Variants in CREBBP observed in about 807,000 individuals in gnomAD.
The protein encoded by CREBBP is CREB-binding protein.
In CREBBP, 19 loss-of-function variants were observed where a neutral mutation model predicts 265.0. That is an observed-to-expected ratio of 0.07 (90% CI 0.05 to 0.11). The LOEUF is 0.11. CREBBP is among the 10% of genes least tolerant of loss of function. The pLI, the probability that CREBBP is intolerant of heterozygous loss-of-function variation, is 1.00. For missense variants in CREBBP, 2,525 were observed against 3,219.0 expected (o/e 0.78, Z 5.22); for synonymous variants, 1,457 against 1,223.7 (o/e 1.19, Z -3.98).
intron 30 of CREBBP, 43 bp from the exon 31 acceptor site, chr16:3,729,917 C>A (rs2151312984): frequency 6.3e-7 from 1 of 1,593,862 alleles, no homozygotes; most frequent in East Asian, 2.2e-5. Flanking sequence ...AGCATGGGAC[C>A]CAGTACCACC....
chr16:3,804,067 G>C (rs980033382), intron 3 of CREBBP, among the ~76,000 whole-genome samples: 2 of 151,586 alleles, frequency 1.3e-5, no homozygotes, highest in African/African-American at 2.4e-5. Context: ...TGGGGTGACA[G>C]TGAGACCCCA....
chr16:3,732,152 T>A (rs895799331), intron 28 of CREBBP, among the ~76,000 whole-genome samples: 4 of 152,148 alleles, frequency 2.6e-5, no homozygotes, highest in African/African-American at 4.8e-5. Flanking sequence ...CATTATCAGC[T>A]TTATGCCACG....
At chr16:3,777,365 G>T (rs542486813) in intron 11 of CREBBP, among the ~76,000 whole-genome samples, 5 of 151,572 alleles carry the variant, frequency 3.3e-5, no homozygotes, top group East Asian at 1.9e-4. Flanking sequence ...AAATAAAATA[G>T]AAATAAATAA....
chr16:3,749,309 C>G (rs539203778), intron 21 of CREBBP, among the ~76,000 whole-genome samples: 1 of 152,248 alleles, frequency 6.6e-6, no homozygotes, highest in Admixed American at 6.5e-5. Flanking sequence ...TACTCCTAAC[C>G]TTTGGTCTCT....
intron 8 of CREBBP, among the ~76,000 whole-genome samples, chr16:3,779,205 G>A (rs1015058909): frequency 6.6e-6 from 1 of 150,694 alleles, no homozygotes; most frequent in Non-Finnish European, 1.5e-5. Flanking sequence ...ACAGGGTCTT[G>A]CTCTATCGCC....
chr16:3,759,064 A>T, intron 16 of CREBBP, 92 bp from the exon 17 acceptor site: 1 of 1,013,538 alleles, frequency 9.9e-7, no homozygotes, highest in Admixed American at 1.7e-5. Context: ...CTGCTGTGAC[A>T]TCCCAGCCAC....
intron 23 of CREBBP, chr16:3,740,826 G>C (rs1017491662): frequency 3.0e-5 from 14 of 470,312 alleles, no homozygotes; most frequent in East Asian, 2.6e-4. Context: ...ACCTATAGCG[G>C]TGGGTCCAAA....
chr16:3,876,399 C>CAAAAA (rs71133663), intron 1 of CREBBP, among the ~76,000 whole-genome samples: 17 of 18,088 alleles, frequency 9.4e-4, no homozygotes, highest in East Asian at 1.9e-3. Context: ...TAAAGCTGAC[C>CAAAAA]AAAAAAAAAA....
intron 3 of CREBBP, among the ~76,000 whole-genome samples, chr16:3,797,168 T>C (rs1216431616): frequency 6.6e-6 from 1 of 152,182 alleles, no homozygotes; most frequent in Admixed American, 6.5e-5. Context: ...GGAACCTCCC[T>C]TTAAAGCACA....
At chr16:3,874,599 T>C (rs968850579) in intron 1 of CREBBP, among the ~76,000 whole-genome samples, 1 of 152,218 alleles carries the variant, frequency 6.6e-6, no homozygotes. Context: ...GCGTGCTCTC[T>C]GGCCCTTTGC....
chr16:3,738,341 G>A (rs943364564), intron 26 of CREBBP, among the ~76,000 whole-genome samples: 3 of 150,902 alleles, frequency 2.0e-5, no homozygotes, highest in Non-Finnish European at 2.9e-5. Context: ...GGAATGAAAA[G>A]GAAGTAAAGG....
rs1462769052 is a variant in CREBBP, at chr16:3,880,175, C to A, written c.-259G>T. On this transcript the variant is annotated 5_prime_UTR_variant, in exon 1 of 31. Coordinates refer to ENST00000262367, the MANE Select transcript of CREBBP (RefSeq NM_004380.3). Reference sequence around the variant, plus strand: ...CCGCCGCCGGCCGCGGCCCCCTCATCCCCTGCCCGCCTCCCGAGCGCGACA... The same window carrying A: ...CCGCCGCCGGCCGCGGCCCCCTCATACCCTGCCCGCCTCCCGAGCGCGACA... The A allele has an allele frequency of 7.2e-6, 1 of 138,030 alleles. No homozygotes were observed. The highest frequency in any genetic ancestry group is 1.6e-5 in the Non-Finnish European group (1 of 62,632). The allele number at this position is 138,030 out of a possible 1,614,324, so 8.6% of individuals were successfully genotyped here. A position where few individuals can be genotyped will look rare whatever the true frequency, so the allele number is the denominator to read the frequency against.
intron 1 of CREBBP, among the ~76,000 whole-genome samples, chr16:3,865,926 G>A (rs1216155344): frequency 3.3e-5 from 5 of 152,200 alleles, no homozygotes; most frequent in African/African-American, 9.6e-5. Context: ...TGAGCCCACC[G>A]CGCCCGGCCA....
At chr16:3,812,326 G>C (rs773676780) in intron 2 of CREBBP, among the ~76,000 whole-genome samples, 3 of 151,688 alleles carry the variant, frequency 2.0e-5, no homozygotes, top group East Asian at 1.9e-4. Flanking sequence ...TTATGGGCTC[G>C]TGCCATCACA....
At chr16:3,845,557 G>A (rs1315594895) in intron 2 of CREBBP, among the ~76,000 whole-genome samples, 2 of 152,088 alleles carry the variant, frequency 1.3e-5, no homozygotes, top group Non-Finnish European at 2.9e-5. Flanking sequence ...CTGGATCTCT[G>A]TGTCTCACTC....
At chr16:3,777,005 A>C (rs1041263457) in intron 11 of CREBBP, among the ~76,000 whole-genome samples, 2 of 139,922 alleles carry the variant, frequency 1.4e-5, no homozygotes, top group Non-Finnish European at 3.1e-5. Context: ...GCAACAAAGT[A>C]AGGCTCTGTC....
chr16:3,727,414 C>T lies in CREBBP; in HGVS notation c.*304G>A, dbSNP rs549775416. On this transcript the variant is annotated 3_prime_UTR_variant, in exon 31 of 31. Coordinates refer to ENST00000262367, the MANE Select transcript of CREBBP (RefSeq NM_004380.3). The stretch of plus-strand genomic sequence containing the variant: ...TCCCGTTAAAAAAAGGCATGAGTCA[C>T]CAGCAATGACGACAAAAAGAATCCA... The T allele has an allele frequency of 3.0e-6, 1 of 333,144 alleles. No individual in the cohort carries two copies. The highest frequency in any genetic ancestry group is 2.2e-5 in the African/African-American group (1 of 46,312). The allele number at this position is 333,144 out of a possible 1,614,324, so 20.6% of individuals were successfully genotyped here. A position where few individuals can be genotyped will look rare whatever the true frequency, so the allele number is the denominator to read the frequency against.
At position 3,757,327 on chromosome 16, in the gene CREBBP, G is replaced by C; in HGVS notation, c.3659C>G (p.Thr1220Ser). 6.2e-7 allele frequency: 1 copy of C among 1,613,876 alleles called. No individual in the cohort carries two copies. The highest frequency in any genetic ancestry group is 1.7e-5 in the Admixed American group (1 of 59,990). ...GTAGTAGGCAGCATCGCGAGGAATG[G>C]TACACAGCTGCTTCCCATAGCAGCA... Reference protein sequence around the residue: ...TLCCYGKQLCTIPRDAAYYSY... With the variant: ...TLCCYGKQLCSIPRDAAYYSY... The change falls in exon 19 of 31, where the codon ACC becomes AGC. Residue 1220 changes from threonine (T) to serine (S), a missense_variant. Physicochemically the swap from Thr to Ser is moderately conservative, Grantham distance 58. Transcript: ENST00000262367.
At chr16:3,836,016 C>T (rs1398874186) in intron 2 of CREBBP, among the ~76,000 whole-genome samples, 2 of 152,054 alleles carry the variant, frequency 1.3e-5, no homozygotes, top group Non-Finnish European at 2.9e-5. Flanking sequence ...ATGCCAACAA[C>T]GTGGATGAAT....
Sources: gnomAD v4.1 joint callset for allele counts (sites outside exome capture counted in the v4.1 genomes callset) on GRCh38, gnomAD v4.1.1 for gene constraint, MANE v1.5 for transcripts, NCBI Gene and HGNC (gene_info 2026-07-23, HGNC 2026-07-21) for gene names.